MTREX: variants seen among roughly 807,000 people sequenced by gnomAD.
MTREX encodes Mtr4 exosome RNA helicase.
Under a neutral mutation model 135.4 loss-of-function variants are expected in MTREX, and 76 were observed. That is an observed-to-expected ratio of 0.56 (90% confidence interval 0.47 to 0.68). MTREX has a LOEUF of 0.68. MTREX is among the 30% of genes least tolerant of loss of function. MTREX has a pLI of 0.00. For synonymous variants in MTREX, 404 were observed against 401.6 expected (o/e 1.01, Z -0.07); for missense variants, 920 against 1,262.1 (o/e 0.73, Z 4.11).
At chr5:55,381,759 C>G (rs1479060135) in intron 18 of MTREX, among the ~76,000 whole-genome samples, 1 of 152,136 alleles carries the variant, frequency 6.6e-6, no homozygotes, top group Non-Finnish European at 1.5e-5. Context: ...TCCTTTAGGT[C>G]TAGTTGGTTT....
At chr5:55,314,361 A>T (rs1036505135) in intron 1 of MTREX, among the ~76,000 whole-genome samples, 1 of 152,234 alleles carries the variant, frequency 6.6e-6, no homozygotes, top group Non-Finnish European at 1.5e-5. Flanking sequence ...GATGGAGTTC[A>T]TGCTGCTAAT....
chr5:55,342,101 C>T (rs1047450343), intron 7 of MTREX, among the ~76,000 whole-genome samples: 1 of 152,038 alleles, frequency 6.6e-6, no homozygotes, highest in East Asian at 1.9e-4. Context: ...GTAGAGATGG[C>T]GTCTCACAAC....
In MTREX at chr5:55,424,715, CTT is replaced by C. The variant is rs1344706046; in HGVS notation, c.3077-4_3077-3del. On this transcript the variant is annotated splice_polypyrimidine_tract_variant and splice_region_variant and intron_variant, in intron 26 of 26. Transcript: ENST00000230640. ...AAGTTTAAACCTTACTTTCTTTTCT[CTT>C]AGGAATCACCAAAATCAAGAGAGAT... The C allele has an allele frequency of 1.2e-6, 2 of 1,608,406 alleles. No individual in the cohort carries two copies. Among genetic ancestry groups the C allele is most frequent in the Admixed American group, 3.3e-5 (2 of 59,954 alleles).
chr5:55,336,568 A>T (rs1749556506), intron 5 of MTREX, among the ~76,000 whole-genome samples: 2 of 152,208 alleles, frequency 1.3e-5, no homozygotes, highest in Non-Finnish European at 1.5e-5. Context: ...TCCTGGAATA[A>T]ATCTGGTTGT....
chr5:55,363,747 GCTC>G (rs1750052078), intron 15 of MTREX, among the ~76,000 whole-genome samples: 1 of 152,086 alleles, frequency 6.6e-6, no homozygotes, highest in Admixed American at 6.6e-5. Context: ...CTAGATTTTA[GCTC>G]CTATTTGTTT....
At chr5:55,325,727 A>T (rs1237184911) in intron 3 of MTREX, among the ~76,000 whole-genome samples, 2 of 152,018 alleles carry the variant, frequency 1.3e-5, no homozygotes, top group African/African-American at 4.8e-5. Flanking sequence ...CCAAATAGTG[A>T]ACATACTACC....
At position 55,322,368 on chromosome 5, in the gene MTREX, A is replaced by G; in HGVS notation, c.176A>G (p.Asn59Ser). Residue 59 changes from asparagine (N) to serine (S), a missense_variant, in exon 2 of 27, where the codon AAT becomes AGT. Around this residue, in one of 6 missense-constraint regions of MTREX, gnomAD observed 136 missense variants for 126.7 expected, o/e 1.07. Coordinates refer to ENST00000230640, the MANE Select transcript of MTREX (RefSeq NM_015360.5). Reference sequence around the variant, plus strand: ...AAATTACAATCAGAATCAACTAATAATGGAAAAAATAAGAGAGATGTAGAT... The same window carrying G: ...AAATTACAATCAGAATCAACTAATAGTGGAAAAAATAAGAGAGATGTAGAT... The part of the protein sequence containing the change: ...DGKLQSESTN[N>S]GKNKRDVDFE... 1 of 1,609,172 alleles carries G rather than the reference A, an allele frequency of 6.2e-7. No homozygotes were observed. The highest frequency in any genetic ancestry group is 8.5e-7 in the Non-Finnish European group (1 of 1,177,396).
At chr5:55,403,058 A>G (rs1382323153) in intron 21 of MTREX, among the ~76,000 whole-genome samples, 1 of 151,846 alleles carries the variant, frequency 6.6e-6, no homozygotes, top group African/African-American at 2.4e-5. Flanking sequence ...AAAATTAGCC[A>G]GGCATGGTAG....
intron 14 of MTREX, among the ~76,000 whole-genome samples, chr5:55,355,862 CT>C (rs1749902675): frequency 6.6e-6 from 1 of 152,170 alleles, no homozygotes. Context: ...GAAGAAGGCT[CT>C]GTGGAGGAAT....
intron 5 of MTREX, among the ~76,000 whole-genome samples, chr5:55,338,812 A>G (rs1341262463): frequency 2.5e-5 from 2 of 78,980 alleles, no homozygotes; most frequent in Non-Finnish European, 4.2e-5. Context: ...TTTTTTTGAG[A>G]CACAGTCTCA....
chr5:55,394,674 A>G (rs1446996136), intron 19 of MTREX, among the ~76,000 whole-genome samples: 1 of 152,200 alleles, frequency 6.6e-6, no homozygotes. Flanking sequence ...TTAACAGGCC[A>G]CAGACTGGTA....
At chr5:55,407,895 A>T (rs1185756461) in intron 22 of MTREX, among the ~76,000 whole-genome samples, 2 of 151,896 alleles carry the variant, frequency 1.3e-5, no homozygotes, top group Non-Finnish European at 2.9e-5. Flanking sequence ...CTGGGACTGT[A>T]AGTGTGTGCC....
At chr5:55,412,403 A>C (rs1270160226) in intron 23 of MTREX, among the ~76,000 whole-genome samples, 3 of 152,242 alleles carry the variant, frequency 2.0e-5, no homozygotes, top group African/African-American at 4.8e-5. Context: ...ACAAAAATTT[A>C]TTAAGCACCC....
chr5:55,406,153 T>G (rs989618218), intron 22 of MTREX, among the ~76,000 whole-genome samples: 1 of 152,218 alleles, frequency 6.6e-6, no homozygotes, highest in Non-Finnish European at 1.5e-5. Flanking sequence ...TCAGTAATCT[T>G]TTGTCACAAA....
At chr5:55,353,106 T>G in intron 13 of MTREX, 62 bp from the exon 14 acceptor site, 3 of 1,181,394 alleles carry the variant, frequency 2.5e-6, no homozygotes, top group Non-Finnish European at 3.5e-6. Flanking sequence ...TACTTAAAAA[T>G]TATAAAACCA....
chr5:55,399,495 T>TTATTTTG (rs1750690457), intron 20 of MTREX, among the ~76,000 whole-genome samples: 1 of 152,204 alleles, frequency 6.6e-6, no homozygotes, highest in South Asian at 2.1e-4. Flanking sequence ...TTTTTATTTT[T>TTATTTTG]TTATTTTTTT....
At chr5:55,334,507 C>T (rs752828856) in intron 5 of MTREX, among the ~76,000 whole-genome samples, 1 of 152,036 alleles carries the variant, frequency 6.6e-6, no homozygotes, top group Admixed American at 6.6e-5. Flanking sequence ...CTAGGACTAA[C>T]GTGTTGGTAT....
At chr5:55,388,326 G>A (rs540768152) in intron 19 of MTREX, among the ~76,000 whole-genome samples, 7 of 152,160 alleles carry the variant, frequency 4.6e-5, no homozygotes, top group East Asian at 1.9e-4. Context: ...AAGATAAATC[G>A]TGACAAAGTG....
intron 12 of MTREX, among the ~76,000 whole-genome samples, chr5:55,349,878 G>C (rs1749799567): frequency 6.6e-6 from 1 of 152,192 alleles, no homozygotes; most frequent in South Asian, 2.1e-4. Context: ...AGTATGGTGT[G>C]AAAATTACTG....
Sources: gnomAD v4.1 joint callset for allele counts (sites outside exome capture counted in the v4.1 genomes callset) on GRCh38, gnomAD v4.1.1 for gene constraint, gnomAD v4.1.1 regional missense constraint, MANE v1.5 for transcripts, NCBI Gene and HGNC (gene_info 2026-07-23, HGNC 2026-07-21) for gene names.